CLYBL: variants seen among roughly 807,000 people sequenced by gnomAD.
The protein encoded by CLYBL is citramalyl-CoA lyase, mitochondrial.
Under a neutral mutation model 38.9 loss-of-function variants are expected in CLYBL, and 31 were observed. The ratio of observed to expected loss-of-function variants is 0.80; its 90% CI spans 0.60 to 1.08. The LOEUF is 1.08. CLYBL is among the 50% of genes least tolerant of loss of function. CLYBL has a pLI of 0.00. For missense variants in CLYBL, 434 were observed against 411.6 expected (o/e 1.05, Z -0.47); for synonymous variants, 171 against 158.6 (o/e 1.08, Z -0.59).
chr13:99,836,112 T>A (rs2050928432), intron 2 of CLYBL, among the ~76,000 whole-genome samples: 1 of 152,082 alleles, frequency 6.6e-6, no homozygotes, highest in Non-Finnish European at 1.5e-5. Context: ...GAACATGCAG[T>A]CATGAGATGG....
downstream of CLYBL, among the ~76,000 whole-genome samples, chr13:99,898,883 C>A (rs985971951): frequency 6.6e-6 from 1 of 152,122 alleles, no homozygotes; most frequent in Non-Finnish European, 1.5e-5. Flanking sequence ...AGTGTGGATG[C>A]CTTGAATATT....
chr13:99,831,295 C>T (rs1214360822), intron 2 of CLYBL, among the ~76,000 whole-genome samples: 1 of 152,246 alleles, frequency 6.6e-6, no homozygotes, highest in East Asian at 1.9e-4. Flanking sequence ...GAAACTAATA[C>T]ACCTCAGATA....
chr13:99,730,078 G>GC (rs756906215), intron 1 of CLYBL, among the ~76,000 whole-genome samples: 44 of 151,262 alleles, frequency 2.9e-4, no homozygotes, highest in Non-Finnish European at 4.0e-4. Flanking sequence ...CGTCAGCGTG[G>GC]CCAGTGCTGC....
intron 1 of CLYBL, among the ~76,000 whole-genome samples, chr13:99,699,506 A>G (rs2048029117): frequency 6.6e-6 from 1 of 151,218 alleles, no homozygotes; most frequent in East Asian, 1.9e-4. Flanking sequence ...AACCTGGCCA[A>G]TATGGCGAAA....
chr13:99,843,747 G>A (rs1053480989), intron 2 of CLYBL, among the ~76,000 whole-genome samples: 5 of 151,974 alleles, frequency 3.3e-5, no homozygotes, highest in South Asian at 2.1e-4. Flanking sequence ...GATTACAGGC[G>A]TGCGCCACCA....
At chr13:99,818,583 C>T (rs894001278) in intron 2 of CLYBL, among the ~76,000 whole-genome samples, 5 of 152,142 alleles carry the variant, frequency 3.3e-5, no homozygotes, top group African/African-American at 9.7e-5. Flanking sequence ...TTCTCTGTTA[C>T]AACAACTCAT....
intron 2 of CLYBL, among the ~76,000 whole-genome samples, chr13:99,832,359 T>C (rs1226198326): frequency 6.6e-6 from 1 of 152,238 alleles, no homozygotes; most frequent in Non-Finnish European, 1.5e-5. Flanking sequence ...GAACCCACTT[T>C]AGACCTCATT....
At chr13:99,848,109 C>T (rs2051250276) in intron 2 of CLYBL, among the ~76,000 whole-genome samples, 1 of 152,290 alleles carries the variant, frequency 6.6e-6, no homozygotes, top group South Asian at 2.1e-4. Context: ...GCTCTCTCAC[C>T]TCCTCTGCAC....
chr13:99,814,145 C>T (rs1422898425), intron 2 of CLYBL, among the ~76,000 whole-genome samples: 1 of 152,176 alleles, frequency 6.6e-6, no homozygotes, highest in African/African-American at 2.4e-5. Flanking sequence ...TTTTTCTATA[C>T]AAATTATATT....
At chr13:99,686,189 G>T (rs1334874907) in intron 1 of CLYBL, among the ~76,000 whole-genome samples, 2 of 152,156 alleles carry the variant, frequency 1.3e-5, no homozygotes, top group African/African-American at 2.4e-5. Flanking sequence ...AAGGGTGAGA[G>T]CCCTGGGAGG....
At chr13:99,784,125 G>A (rs1345038449) in intron 2 of CLYBL, 1 of 152,182 alleles carries the variant, frequency 6.6e-6, no homozygotes, top group Non-Finnish European at 1.5e-5. Context: ...AGCATGAGAA[G>A]TCAATCATCA....
intron 1 of CLYBL, among the ~76,000 whole-genome samples, chr13:99,740,350 C>T (rs1594151643): frequency 6.6e-6 from 1 of 152,218 alleles, no homozygotes; most frequent in East Asian, 1.9e-4. Context: ...AAATGCTGTC[C>T]TGTACCTTGC....
At chr13:99,839,621 G>A (rs541911108) in intron 2 of CLYBL, among the ~76,000 whole-genome samples, 3 of 152,162 alleles carry the variant, frequency 2.0e-5, no homozygotes, top group Non-Finnish European at 2.9e-5. Flanking sequence ...TGTGTGTATG[G>A]GTGACAGAGA....
At chr13:99,716,887 G>A (rs145494272) in intron 1 of CLYBL, among the ~76,000 whole-genome samples, 13,749 of 145,936 alleles carry the variant, frequency 0.094, 734 homozygotes, top group Non-Finnish European at 0.12. Context: ...TGCCTCCCAG[G>A]TTCAAGCGAT....
intron 1 of CLYBL, among the ~76,000 whole-genome samples, chr13:99,653,481 C>A (rs1176496909): frequency 6.6e-6 from 1 of 152,168 alleles, no homozygotes; most frequent in East Asian, 1.9e-4. Context: ...TCTCTGCCTC[C>A]CTCTACTCAT....
intron 2 of CLYBL, among the ~76,000 whole-genome samples, chr13:99,804,898 T>TA (rs879321782): frequency 2.0e-5 from 3 of 152,210 alleles, no homozygotes; most frequent in Non-Finnish European, 4.4e-5. Flanking sequence ...GCAGAGACTT[T>TA]ACCATTCAAC....
At chr13:99,850,108 A>G (rs2051297331) in intron 2 of CLYBL, among the ~76,000 whole-genome samples, 1 of 152,240 alleles carries the variant, frequency 6.6e-6, no homozygotes, top group African/African-American at 2.4e-5. Flanking sequence ...TCTCAAGATG[A>G]TAGCAAAAGT....
intron 1 of CLYBL, among the ~76,000 whole-genome samples, chr13:99,750,803 A>G (rs1429402436): frequency 6.6e-6 from 1 of 151,670 alleles, no homozygotes; most frequent in Non-Finnish European, 1.5e-5. Context: ...TGTGGAGACA[A>G]TTTCCAAAGG....
rs536589409 is a variant in CLYBL, at chr13:99,658,629, C to CT, written c.62+51872_62+51873insT. Among the ~76,000 whole-genome samples, 682 of 152,228 alleles carry CT rather than the reference C, an allele frequency of 4.5e-3. 5 individuals are homozygous for CT. Among genetic ancestry groups the CT allele is most frequent in the African/African-American group, 0.015 (615 of 41,518 alleles). On this transcript the variant is annotated intron_variant, in intron 1 of 8. Transcript: ENST00000339105. ...CACAGGCAGCGGGGCGGGGTGTGGA[C>CT]AGGAACAAGGAGGTGGGGTGGGGAG...
Sources: allele counts gnomAD v4.1 joint callset (sites outside exome capture counted in the v4.1 genomes callset), GRCh38; gene constraint gnomAD v4.1.1; transcripts MANE v1.5; gene names NCBI Gene and HGNC (gene_info 2026-07-23, HGNC 2026-07-21).